The following HS3ST4 variants were observed in gnomAD, a reference collection of about 807,000 sequenced individuals.
HS3ST4 encodes the protein heparan sulfate glucosamine 3-O-sulfotransferase 4.
Under a neutral mutation model 29.2 loss-of-function variants are expected in HS3ST4, and 17 were observed. The observed-to-expected ratio is 0.58, with a 90% CI of 0.40 to 0.87. The LOEUF (loss-of-function observed/expected upper bound fraction) is 0.87. Among genes scored for constraint, HS3ST4 ranks in the 40% least tolerant of loss-of-function variants. The pLI, the probability that HS3ST4 is intolerant of heterozygous loss-of-function variation, is 0.00. For missense variants in HS3ST4, 627 were observed against 634.5 expected, an observed-to-expected ratio of 0.99 and a Z score of 0.13; for synonymous variants, 314 against 285.7, an observed-to-expected ratio of 1.10 and a Z score of -1.00.
chr16:26,097,132 C>T (rs1055633417), intron 1 of HS3ST4, among the ~76,000 whole-genome samples: 3 of 152,146 alleles, frequency 2.0e-5, no homozygotes, highest in African/African-American at 7.2e-5. Context: ...TAGGAAGAAT[C>T]AATACCATGA....
At chr16:26,068,657 C>T (rs1188056579) in intron 1 of HS3ST4, among the ~76,000 whole-genome samples, 2 of 151,886 alleles carry the variant, frequency 1.3e-5, no homozygotes, top group Admixed American at 6.6e-5. Context: ...CTCAAGTGGT[C>T]GTTTGACTTT....
intron 1 of HS3ST4, among the ~76,000 whole-genome samples, chr16:26,107,313 A>G (rs114335400): frequency 0.016 from 2,361 of 151,840 alleles, 52 homozygotes; most frequent in African/African-American, 0.052. Context: ...GTGTGTGTAT[A>G]TATATATAAA....
chr16:25,712,813 A>G (rs1246241826), intron 1 of HS3ST4, among the ~76,000 whole-genome samples: 3 of 152,168 alleles, frequency 2.0e-5, no homozygotes, highest in Admixed American at 1.3e-4. Context: ...GTAACAGAAC[A>G]CAAGAGACTG....
At position 25,700,638 on chromosome 16, in the gene HS3ST4, T is replaced by C. The variant is rs535291504; in HGVS notation, c.734+7487T>C. Among the ~76,000 whole-genome samples, 6 of 152,284 alleles carry C rather than the reference T, an allele frequency of 3.9e-5. No individual in the cohort carries two copies. The South Asian group carries it at 1.2e-3, about 32-fold the overall frequency. On this transcript the variant is annotated intron_variant, in intron 1 of 1. Coordinates refer to ENST00000331351, the MANE Select transcript of HS3ST4 (RefSeq NM_006040.3). ...GTCAGAAAGTTTTAAGGGTTTTGGT[T>C]TTGCATAATGGATGATCTCTCTGGA...
At chr16:25,929,505 T>A (rs781072814) in intron 1 of HS3ST4, among the ~76,000 whole-genome samples, 4 of 152,220 alleles carry the variant, frequency 2.6e-5, no homozygotes, top group Non-Finnish European at 4.4e-5. Flanking sequence ...ACTGTCTGGA[T>A]CCCTTGCCCC....
chr16:25,903,300 G>GTATA (rs904718695), intron 1 of HS3ST4, among the ~76,000 whole-genome samples: 92 of 19,066 alleles, frequency 4.8e-3, no homozygotes, highest in African/African-American at 0.01. Flanking sequence ...GTGTGTGTGT[G>GTATA]TGTATGTATA....
At chr16:25,887,651 A>G (rs1229308821) in intron 1 of HS3ST4, among the ~76,000 whole-genome samples, 1 of 149,008 alleles carries the variant, frequency 6.7e-6, no homozygotes, top group Non-Finnish European at 1.5e-5. Flanking sequence ...AGACATCCAT[A>G]TGGCTATGGG....
intron 1 of HS3ST4, among the ~76,000 whole-genome samples, chr16:25,779,558 C>T (rs1310036003): frequency 6.6e-6 from 1 of 152,158 alleles, no homozygotes; most frequent in Non-Finnish European, 1.5e-5. Flanking sequence ...TGTGTCAGAC[C>T]CTGAGGAGTC....
At chr16:25,745,305 C>T (rs1966678848) in intron 1 of HS3ST4, among the ~76,000 whole-genome samples, 1 of 152,090 alleles carries the variant, frequency 6.6e-6, no homozygotes, top group South Asian at 2.1e-4. Context: ...TCTTGTCCTC[C>T]CATTGAGCAT....
chr16:25,728,682 G>A (rs902226343), intron 1 of HS3ST4, among the ~76,000 whole-genome samples: 21 of 152,262 alleles, frequency 1.4e-4, no homozygotes, highest in Admixed American at 5.9e-4. Context: ...TCAGAGACTC[G>A]GTGGGATAGT....
intron 1 of HS3ST4, among the ~76,000 whole-genome samples, chr16:25,815,798 C>A (rs1179450752): frequency 2.6e-5 from 4 of 152,166 alleles, no homozygotes; most frequent in Non-Finnish European, 5.9e-5. Context: ...TCACTCAACT[C>A]ATCACCTGGT....
intron 1 of HS3ST4, among the ~76,000 whole-genome samples, chr16:25,895,881 A>G (rs1357621825): frequency 1.3e-5 from 2 of 152,188 alleles, no homozygotes; most frequent in Non-Finnish European, 2.9e-5. Context: ...TTAGGCTTCA[A>G]TATCTGAATT....
intron 1 of HS3ST4, among the ~76,000 whole-genome samples, chr16:26,052,539 T>A (rs372988369): frequency 2.6e-4 from 39 of 152,068 alleles, no homozygotes; most frequent in African/African-American, 9.2e-4. Context: ...CCTGGCTAAT[T>A]TTTGTGTTTT....
chr16:25,888,753 T>C (rs932206611), intron 1 of HS3ST4, among the ~76,000 whole-genome samples: 1 of 152,182 alleles, frequency 6.6e-6, no homozygotes, highest in African/African-American at 2.4e-5. Flanking sequence ...AGAGAGTAGA[T>C]GTTGGGCAAG....
chr16:26,031,704 GTT>G lies in HS3ST4; in HGVS notation c.735-103895_735-103894del, dbSNP rs202095804. Among the ~76,000 whole-genome samples, 56 of 141,914 alleles carry G rather than the reference GTT, an allele frequency of 3.9e-4. No homozygotes were observed. In the South Asian group the frequency reaches 6.8e-3, roughly 17 times the overall value. 93.1% of individuals were successfully genotyped at this position (141,914 alleles called of 152,430 possible). The stretch of plus-strand genomic sequence containing the variant: ...GGGCCCAGCAGAAAGATGGAGGCGT[GTT>G]TTTTTTTTTTTTCCAAGCCAAACTG... On this transcript the variant is annotated intron_variant, in intron 1 of 1. Coordinates refer to ENST00000331351, the MANE Select transcript of HS3ST4 (RefSeq NM_006040.3).
chr16:25,903,302 G>GTGTGTGTATATGTA (rs151301516), intron 1 of HS3ST4, among the ~76,000 whole-genome samples: 1 of 103,500 alleles, frequency 9.7e-6, no homozygotes, highest in Admixed American at 1.0e-4. Flanking sequence ...GTGTGTGTGT[G>GTGTGTGTATATGTA]TATGTATATG....
chr16:25,900,835 A>G (rs1342223199), intron 1 of HS3ST4, among the ~76,000 whole-genome samples: 1 of 152,130 alleles, frequency 6.6e-6, no homozygotes, highest in Non-Finnish European at 1.5e-5. Context: ...TTTTTCTCCC[A>G]CTATACCCTG....
At chr16:25,981,837 T>C (rs1337683302) in intron 1 of HS3ST4, among the ~76,000 whole-genome samples, 2 of 152,168 alleles carry the variant, frequency 1.3e-5, no homozygotes, top group Non-Finnish European at 2.9e-5. Flanking sequence ...ATTGGTAGAA[T>C]GGGAATAACA....
chr16:25,706,376 A>T (rs1054575319), intron 1 of HS3ST4, among the ~76,000 whole-genome samples: 3 of 151,772 alleles, frequency 2.0e-5, no homozygotes, highest in African/African-American at 7.3e-5. Context: ...TTTCTTTTTA[A>T]ATCTTTTTTA....
Sources: allele counts gnomAD v4.1 joint callset (sites outside exome capture counted in the v4.1 genomes callset), GRCh38; gene constraint gnomAD v4.1.1; transcripts MANE v1.5; gene names NCBI Gene and HGNC (gene_info 2026-07-23, HGNC 2026-07-21).